The following EDNRB variants were observed in gnomAD, a reference collection of about 807,000 sequenced individuals.
EDNRB encodes the protein Hirschsprung disease 2.
Under a neutral mutation model 46.4 loss-of-function variants are expected in EDNRB, and 18 were observed. That is an observed-to-expected ratio of 0.39 (90% CI 0.27 to 0.57). The LOEUF (loss-of-function observed/expected upper bound fraction) is 0.57, where lower values mean the gene tolerates loss of function less well. EDNRB is among the 20% of genes least tolerant of loss of function. The probability of loss-of-function intolerance (pLI) is 0.61; values close to 1 mark genes in which losing one functional copy is unlikely to be tolerated. For synonymous variants in EDNRB, 213 were observed against 204.9 expected (o/e 1.04, Z -0.34); for missense variants, 434 against 537.5 (o/e 0.81, Z 1.90).
chr13:77,944,721 G>A (rs1223310421), intron 1 of EDNRB: 1 of 152,110 alleles, frequency 6.6e-6, no homozygotes, highest in African/African-American at 2.4e-5. Context: ...GCAGAATGGA[G>A]GGAGTAGTGT....
chr13:77,973,572 C>A lies in EDNRB; in HGVS notation c.-52+1775G>T, dbSNP rs570325261. ...ATTAACATTTTAAAACTTGATTAAACCTTTAAAACAAAACGCACATATTTT... is the reference window on the plus strand; with the variant it reads ...ATTAACATTTTAAAACTTGATTAAAACTTTAAAACAAAACGCACATATTTT... On this transcript the variant is annotated intron_variant, in intron 1 of 7. Transcript: ENST00000646948. 4.6e-5 allele frequency among the ~76,000 whole-genome samples: 7 copies of A among 152,012 alleles called. No homozygotes were observed. The East Asian group carries it at 1.2e-3, about 25-fold the overall frequency.
At chr13:77,967,831 G>A (rs1424988377) in intron 1 of EDNRB, among the ~76,000 whole-genome samples, 1 of 152,148 alleles carries the variant, frequency 6.6e-6, no homozygotes, top group Admixed American at 6.6e-5. Context: ...TGATACTGCA[G>A]TCTGAACCAC....
In EDNRB at chr13:77,947,276, T is replaced by G. The variant is rs555963416; in HGVS notation, c.-52+28071A>C. On this transcript the variant is annotated intron_variant, in intron 1 of 7. Transcript: ENST00000646948. Reference sequence around the variant, plus strand: ...GGTTTTTATTAGATTTCCTATTGGATGACCACCTCAACATCTGTTTTTTTT... The same window carrying G: ...GGTTTTTATTAGATTTCCTATTGGAGGACCACCTCAACATCTGTTTTTTTT... 1.8e-4 allele frequency among the ~76,000 whole-genome samples: 27 copies of G among 151,738 alleles called. 1 individual carries two copies. The highest frequency in any genetic ancestry group is 6.3e-4 in the African/African-American group (26 of 41,462).
upstream of EDNRB, among the ~76,000 whole-genome samples, chr13:77,920,345 A>G (rs1880042784): frequency 6.6e-6 from 1 of 152,196 alleles, no homozygotes; most frequent in Non-Finnish European, 1.5e-5. Flanking sequence ...AGTTTTGCCC[A>G]GAGATTGTAT....
In EDNRB at chr13:77,948,713, G is replaced by C. The variant is rs1474017328; in HGVS notation, c.-52+26634C>G. Among the ~76,000 whole-genome samples, 13 of 152,142 alleles carry C rather than the reference G, an allele frequency of 8.5e-5. 1 individual carries two copies. Among genetic ancestry groups the C allele is most frequent in the Admixed American group, 8.5e-4 (13 of 15,268 alleles). On this transcript the variant is annotated intron_variant, in intron 1 of 7. Coordinates refer to the EDNRB transcript ENST00000646948. Reference sequence around the variant, plus strand: ...TTGATATCCTTATTATAAGAATATTGATATTCTGTTTCTTTTATTCCAACT... The same window carrying C: ...TTGATATCCTTATTATAAGAATATTCATATTCTGTTTCTTTTATTCCAACT...
At chr13:77,936,156 G>A (rs1880556676) in intron 1 of EDNRB, among the ~76,000 whole-genome samples, 1 of 152,062 alleles carries the variant, frequency 6.6e-6, no homozygotes, top group Admixed American at 6.6e-5. Context: ...GAGTAGAGGT[G>A]TCTTATACTT....
chr13:77,974,415 C>T (rs1412639731), intron 1 of EDNRB, among the ~76,000 whole-genome samples: 1 of 152,140 alleles, frequency 6.6e-6, no homozygotes, highest in Non-Finnish European at 1.5e-5. Context: ...ATAGGAAGGC[C>T]TCAGTGCTTT....
upstream of EDNRB, among the ~76,000 whole-genome samples, chr13:77,924,461 C>A (rs1035689376): frequency 6.6e-6 from 1 of 151,996 alleles, no homozygotes; most frequent in Admixed American, 6.6e-5. Flanking sequence ...TGCCAAGTAC[C>A]CTGCAGAGAG....
rs1879893848 is a variant in EDNRB, at chr13:77,917,996, TA to T, written c.483+94del. ...GAGGGGCAGAACCTTAAGAGGGAGC[TA>T]AAGGGAAGCTCCCTCTACAAGCTTT... On this transcript the variant is annotated intron_variant, in intron 1 of 6. Transcript: ENST00000646607. 4.4e-6 allele frequency: 7 copies of T among 1,597,542 alleles called. No homozygotes were observed. The South Asian group carries it at 7.8e-5, about 18-fold the overall frequency.
chr13:77,937,671 C>T (rs186375120), intron 1 of EDNRB, among the ~76,000 whole-genome samples: 7 of 151,972 alleles, frequency 4.6e-5, no homozygotes, highest in Admixed American at 2.6e-4. Flanking sequence ...GTAAGCCGGA[C>T]CAAATGTGAG....
At chr13:77,919,663 C>A (rs201992349), upstream of EDNRB, 1 of 1,526,662 alleles carries the variant, frequency 6.6e-7, no homozygotes, top group South Asian at 1.2e-5. Context: ...CGCCTTCCGA[C>A]CCCGCTGCAA....
At chr13:77,938,230 C>A (rs546712761) in intron 1 of EDNRB, among the ~76,000 whole-genome samples, 1 of 151,804 alleles carries the variant, frequency 6.6e-6, no homozygotes, top group African/African-American at 2.4e-5. Context: ...GGAAAGGGTC[C>A]GGGGGTTCTT....
intron 1 of EDNRB, among the ~76,000 whole-genome samples, chr13:77,961,843 T>C (rs924761547): frequency 6.6e-6 from 1 of 152,172 alleles, no homozygotes; most frequent in African/African-American, 2.4e-5. Context: ...ATCCAGGAGC[T>C]GGTTTTTTGA....
At chr13:77,898,438 G>T in intron 6 of EDNRB, 104 bp from the exon 7 acceptor site, 2 of 1,526,504 alleles carry the variant, frequency 1.3e-6, no homozygotes. Flanking sequence ...AGGAGTTCTT[G>T]GGCCCTTTCT....
intron 1 of EDNRB, among the ~76,000 whole-genome samples, chr13:77,973,201 T>A (rs916330040): frequency 6.6e-6 from 1 of 152,232 alleles, no homozygotes; most frequent in Admixed American, 6.5e-5. Flanking sequence ...TAGCACCTAT[T>A]TTTATTAGTT....
intron 1 of EDNRB, among the ~76,000 whole-genome samples, chr13:77,956,352 T>C (rs1481205647): frequency 6.6e-6 from 1 of 152,210 alleles, no homozygotes; most frequent in Non-Finnish European, 1.5e-5. Flanking sequence ...AACTGACTTT[T>C]TATGTTAATG....
chr13:77,968,346 T>C (rs969615670), intron 1 of EDNRB, among the ~76,000 whole-genome samples: 11 of 152,220 alleles, frequency 7.2e-5, no homozygotes, highest in Non-Finnish European at 1.3e-4. Flanking sequence ...TTTAATTATA[T>C]GTTTACTTCA....
At chr13:77,964,636 G>A (rs768865405) in intron 1 of EDNRB, among the ~76,000 whole-genome samples, 12 of 152,100 alleles carry the variant, frequency 7.9e-5, no homozygotes, top group African/African-American at 1.2e-4. Flanking sequence ...CATGGGGTGC[G>A]GAGAAGAAGG....
At position 77,945,645 on chromosome 13, in the gene EDNRB, C is replaced by G. The variant is rs76815028; in HGVS notation, c.-51-27021G>C. 4.9e-4 allele frequency among the ~76,000 whole-genome samples: 75 copies of G among 152,174 alleles called. 1 individual carries two copies. The East Asian group carries it at 0.011, about 22-fold the overall frequency. Reference sequence around the variant, plus strand: ...GAGAGGGCTGCAGGACTGAGAGTCTCTCTGAGGAATTGTACTTACGGAAGG... The same window carrying G: ...GAGAGGGCTGCAGGACTGAGAGTCTGTCTGAGGAATTGTACTTACGGAAGG... On this transcript the variant is annotated intron_variant, in intron 1 of 7. Coordinates refer to the EDNRB transcript ENST00000646948.
Sources: allele counts gnomAD v4.1 joint callset (sites outside exome capture counted in the v4.1 genomes callset), GRCh38; gene constraint gnomAD v4.1.1; transcripts MANE v1.5; gene names NCBI Gene and HGNC (gene_info 2026-07-23, HGNC 2026-07-21).